Variants in EML5 observed in about 807,000 individuals in gnomAD.
EML5 encodes the protein echinoderm microtubule-associated protein-like 5.
EML5 carries 120 observed loss-of-function variants against 250.0 expected under a neutral mutation model. That is an observed-to-expected ratio of 0.48 (90% CI 0.41 to 0.56). The LOEUF is 0.56. Among genes scored for constraint, EML5 ranks in the 20% least tolerant of loss-of-function variants. EML5 has a pLI of 0.00. For missense variants in EML5, 2,006 were observed against 2,437.6 expected (o/e 0.82, Z 3.73); for synonymous variants, 771 against 806.5 (o/e 0.96, Z 0.75).
intron 28 of EML5, 71 bp from the exon 29 acceptor site, chr14:88,647,026 C>T: frequency 7.3e-7 from 1 of 1,360,868 alleles, no homozygotes; most frequent in South Asian, 1.3e-5. Flanking sequence ...AGTGAAATAC[C>T]TCCTGTAATA....
In EML5 at chr14:88,696,889, T is replaced by A. The variant is rs1186288254; in HGVS notation, c.2302A>T (p.Lys768Ter). ...TETIKPLSIL[K>*]GHHQYGVSAV... Reference sequence around the variant, plus strand: ...CTAACACCATACTGGTGGTGGCCCTTTAATATGGACAATGGTTTAATGGTC... The same window carrying A: ...CTAACACCATACTGGTGGTGGCCCTATAATATGGACAATGGTTTAATGGTC... The change falls in exon 15 of 44, where the codon AAG becomes TAG. Residue 768 changes from lysine (K) to a stop codon, truncating the protein, a stop_gained. Coordinates refer to ENST00000554922, the MANE Select transcript of EML5 (RefSeq NM_183387.3). LOFTEE classifies it high-confidence loss of function. The A allele has an allele frequency of 6.2e-7, 1 of 1,610,326 alleles. No individual in the cohort carries two copies. The highest frequency in any genetic ancestry group is 1.7e-5 in the Admixed American group (1 of 59,676).
chr14:88,715,175 T>A lies in EML5; in HGVS notation c.1208A>T (p.His403Leu). ...AATTGCCTCCTTCCTATCTTTAATATGTACAACTTCCGTCATATCTCTGTT... is the reference window on the plus strand; with the variant it reads ...AATTGCCTCCTTCCTATCTTTAATAAGTACAACTTCCGTCATATCTCTGTT... Reference protein sequence around the residue: ...LRVRDMTEVVHIKDRKEAIHE... With the variant: ...LRVRDMTEVVLIKDRKEAIHE... The change falls in exon 9 of 44, where the codon CAT (histidine) becomes CTT (leucine). Residue 403 changes from histidine to leucine, a missense_variant. This residue lies in a region of EML5 where 1,375 missense variants were observed against 1,590.3 expected (regional missense o/e 0.86). Coordinates refer to ENST00000554922, the MANE Select transcript of EML5 (RefSeq NM_183387.3). 1 of 1,599,558 alleles carries A rather than the reference T, an allele frequency of 6.3e-7. No homozygotes were observed.
In EML5 at chr14:88,705,502, G is replaced by A; in HGVS notation, c.1912C>T (p.Gln638Ter). 1 of 1,601,704 alleles carries A rather than the reference G, an allele frequency of 6.2e-7. No individual in the cohort carries two copies. Among genetic ancestry groups the A allele is most frequent in the Non-Finnish European group, 8.5e-7 (1 of 1,173,308 alleles). Residue 638 changes from glutamine to a stop codon, truncating the protein, a stop_gained, in exon 12 of 44, where the codon CAG becomes TAG. Transcript: ENST00000554922. LOFTEE classifies it high-confidence loss of function. Reference sequence around the variant, plus strand: ...ATTACCTGTCGACGGTAGGTGAGCTGTGTCTCTTGTTCAATTTCAGAATCC... The same window carrying A: ...ATTACCTGTCGACGGTAGGTGAGCTATGTCTCTTGTTCAATTTCAGAATCC... The part of the protein sequence containing the change: ...ELDSEIEQET[Q>*]LTYRRQVYKE...
chr14:88,786,785 C>T (rs937763898), intron 1 of EML5, among the ~76,000 whole-genome samples: 3 of 152,230 alleles, frequency 2.0e-5, no homozygotes, highest in African/African-American at 7.2e-5. Context: ...TCACTTCCCA[C>T]CATGATTCTG....
intron 25 of EML5, among the ~76,000 whole-genome samples, chr14:88,659,819 C>T (rs1055762159): frequency 6.6e-6 from 1 of 152,110 alleles, no homozygotes; most frequent in Non-Finnish European, 1.5e-5. Flanking sequence ...ATTTTTAAAC[C>T]TGTGTTTTCA....
chr14:88,767,383 C>T (rs1479712386), intron 1 of EML5, among the ~76,000 whole-genome samples: 2 of 152,176 alleles, frequency 1.3e-5, no homozygotes, highest in African/African-American at 2.4e-5. Context: ...TTCTTGAGCT[C>T]CGTACCCCCT....
At chr14:88,787,583 C>T (rs994517372) in intron 1 of EML5, among the ~76,000 whole-genome samples, 1 of 152,140 alleles carries the variant, frequency 6.6e-6, no homozygotes, top group Non-Finnish European at 1.5e-5. Flanking sequence ...ACAACTTCAA[C>T]TATTATTCTA....
rs115769136 is a variant in EML5 at position 88,617,091 on chromosome 14, T to C, written c.5643-212A>G. The C allele has an allele frequency of 1.7e-3, 733 of 428,172 alleles. 11 individuals are homozygous for C. The highest frequency in any genetic ancestry group is 0.011 in the African/African-American group (584 of 50,806). 26.5% of individuals were successfully genotyped at this position (428,172 alleles called of 1,614,324 possible). On this transcript the variant is annotated intron_variant, in intron 41 of 43. Transcript: ENST00000554922. ...GACATTTTATAATTTGAAGGGTTTC[T>C]AGATTAATCTTTTTAAGATTAAAGT...
intron 2 of EML5, among the ~76,000 whole-genome samples, chr14:88,753,775 CAT>C (rs1207612447): frequency 6.6e-6 from 1 of 152,104 alleles, no homozygotes; most frequent in Non-Finnish European, 1.5e-5. Flanking sequence ...AAAAATAACT[CAT>C]AGGAATTGTT....
intron 28 of EML5, among the ~76,000 whole-genome samples, chr14:88,647,912 T>C (rs1272314457): frequency 6.6e-6 from 1 of 152,182 alleles, no homozygotes; most frequent in Non-Finnish European, 1.5e-5. Flanking sequence ...AAAATGTTAA[T>C]TTAAAAAGCT....
chr14:88,726,329 G>C (rs938703554), intron 8 of EML5, among the ~76,000 whole-genome samples: 1 of 151,926 alleles, frequency 6.6e-6, no homozygotes, highest in African/African-American at 2.4e-5. Flanking sequence ...CAAGGCTTCT[G>C]AATTTATTTT....
chr14:88,751,611 T>C (rs1223231503), intron 2 of EML5, among the ~76,000 whole-genome samples: 2 of 145,122 alleles, frequency 1.4e-5, no homozygotes, highest in Non-Finnish European at 3.0e-5. Context: ...AAGTGTGATA[T>C]TTAGAGTTGA....
intron 25 of EML5, 64 bp downstream of exon 25, chr14:88,661,590 C>A: frequency 2.1e-6 from 3 of 1,419,908 alleles, no homozygotes; most frequent in Non-Finnish European, 2.9e-6. Flanking sequence ...AGTGCTATGA[C>A]AGGACATTAC....
intron 7 of EML5, among the ~76,000 whole-genome samples, chr14:88,727,111 A>G (rs1269082330): frequency 6.6e-6 from 1 of 152,146 alleles, no homozygotes; most frequent in Admixed American, 6.5e-5. Flanking sequence ...TAATAAACAC[A>G]ATGTTTTGCC....
intron 20 of EML5, among the ~76,000 whole-genome samples, chr14:88,682,282 T>C (rs1249711137): frequency 1.3e-5 from 2 of 152,094 alleles, no homozygotes; most frequent in Admixed American, 6.5e-5. Flanking sequence ...AAACTTTCTC[T>C]GGGTGGAGAG....
At chr14:88,759,698 A>AC (rs1555374471) in intron 1 of EML5, among the ~76,000 whole-genome samples, 2,651 of 142,224 alleles carry the variant, frequency 0.019, 179 homozygotes, top group African/African-American at 0.067. Context: ...AAAAAAAAAA[A>AC]AAAAAACTGG....
rs71130010 is a variant in EML5 at position 88,729,870 on chromosome 14, G to GTT, written c.1050-3194_1050-3193dup. Among the ~76,000 whole-genome samples the GTT allele has an allele frequency of 2.3e-3, 236 of 101,160 alleles. 1 individual carries two copies. Among genetic ancestry groups the GTT allele is most frequent in the African/African-American group, 5.8e-3 (177 of 30,318 alleles). 66.4% of individuals were successfully genotyped at this position (101,160 alleles called of 152,430 possible). A position where few individuals can be genotyped will look rare whatever the true frequency, so the allele number is the denominator to read the frequency against. On this transcript the variant is annotated intron_variant, in intron 7 of 43. Transcript: ENST00000554922. The stretch of plus-strand genomic sequence containing the variant: ...GCCACCACACTCGGTCTTGTTTTTT[G>GTT]TTTTTTTTTTTTGTTTTTTTAATGT...
At chr14:88,729,972 C>T (rs2093730190) in intron 7 of EML5, among the ~76,000 whole-genome samples, 1 of 151,794 alleles carries the variant, frequency 6.6e-6, no homozygotes, top group Non-Finnish European at 1.5e-5. Flanking sequence ...AGATGATACA[C>T]TCTCATCACT....
chr14:88,642,280 C>A (rs928992687), intron 31 of EML5, among the ~76,000 whole-genome samples: 1 of 152,160 alleles, frequency 6.6e-6, no homozygotes, highest in Admixed American at 6.5e-5. Flanking sequence ...TTACTAGTAG[C>A]ATTATCACAT....
Sources: gnomAD v4.1 joint callset for allele counts (sites outside exome capture counted in the v4.1 genomes callset) on GRCh38, gnomAD v4.1.1 for gene constraint, gnomAD v4.1.1 regional missense constraint, MANE v1.5 for transcripts, NCBI Gene and HGNC (gene_info 2026-07-23, HGNC 2026-07-21) for gene names.